The following CFAP77 variants were observed in gnomAD, a reference collection of about 807,000 sequenced individuals.
CFAP77 encodes the protein cilia- and flagella-associated protein 77.
A neutral mutation model predicts 31.1 loss-of-function variants in CFAP77; 25 were observed. That is an observed-to-expected ratio of 0.80 (90% CI 0.59 to 1.12). CFAP77 has a LOEUF of 1.12. CFAP77 is among the 50% of genes most tolerant of loss of function. The pLI is 0.00. For missense variants in CFAP77, 377 were observed against 397.3 expected (o/e 0.95, Z 0.44); for synonymous variants, 151 against 159.9 (o/e 0.94, Z 0.42).
intron 1 of CFAP77, among the ~76,000 whole-genome samples, chr9:132,464,818 G>A (rs910465737): frequency 6.6e-6 from 1 of 152,070 alleles, no homozygotes; most frequent in Admixed American, 6.6e-5. Context: ...TGGGCCGGGC[G>A]CAGTGGCTCA....
rs556426271 is a variant in CFAP77, at chr9:132,573,161, C to G, written c.*651C>G. 2 of 152,378 alleles carry G rather than the reference C, an allele frequency of 1.3e-5. No individual in the cohort carries two copies. The highest frequency in any genetic ancestry group is 1.3e-4 in the Admixed American group (2 of 15,310). 9.4% of individuals were successfully genotyped at this position (152,378 alleles called of 1,614,324 possible). A position where few individuals can be genotyped will look rare whatever the true frequency, so the allele number is the denominator to read the frequency against. The stretch of plus-strand genomic sequence containing the variant: ...GAAGGTCAACCCACTCTGGAAAAAG[C>G]CTTCCAGGCCAGCGGGTAGACTGCT... On this transcript the variant is annotated 3_prime_UTR_variant, in exon 6 of 6. Coordinates refer to ENST00000393216, the MANE Select transcript of CFAP77 (RefSeq NM_001282957.2).
At chr9:132,412,339 C>G (rs1850022481) in intron 1 of CFAP77, among the ~76,000 whole-genome samples, 1 of 152,214 alleles carries the variant, frequency 6.6e-6, no homozygotes, top group Non-Finnish European at 1.5e-5. Context: ...AGCCAGGGGG[C>G]AGCCTTTACC....
intron 1 of CFAP77, among the ~76,000 whole-genome samples, chr9:132,454,069 G>A (rs142671598): frequency 8.5e-5 from 13 of 152,214 alleles, no homozygotes; most frequent in Non-Finnish European, 1.8e-4. Flanking sequence ...ATAATTTATC[G>A]GGGTTCATTT....
intron 3 of CFAP77, among the ~76,000 whole-genome samples, chr9:132,536,348 G>T (rs888394567): frequency 3.3e-5 from 5 of 151,312 alleles, no homozygotes; most frequent in African/African-American, 1.2e-4. Context: ...TACAAAATGG[G>T]CTGGTTTCCT....
intron 1 of CFAP77, among the ~76,000 whole-genome samples, chr9:132,488,771 C>T (rs970082260): frequency 2.6e-5 from 4 of 152,192 alleles, no homozygotes; most frequent in African/African-American, 9.7e-5. Flanking sequence ...GCATGGGTTT[C>T]CAGGGCCTGG....
At chr9:132,449,011 A>C (rs1206016343) in intron 1 of CFAP77, among the ~76,000 whole-genome samples, 1 of 152,212 alleles carries the variant, frequency 6.6e-6, no homozygotes, top group East Asian at 1.9e-4. Flanking sequence ...GAAAAGCCCA[A>C]CAACTGGGCT....
intron 1 of CFAP77, among the ~76,000 whole-genome samples, chr9:132,479,271 A>T (rs1589875112): frequency 6.6e-6 from 1 of 152,192 alleles, no homozygotes; most frequent in East Asian, 1.9e-4. Context: ...TGCCCAGCTC[A>T]CAGTGCTCAG....
chr9:132,483,236 A>C (rs1851479955), intron 1 of CFAP77, among the ~76,000 whole-genome samples: 1 of 152,140 alleles, frequency 6.6e-6, no homozygotes, highest in South Asian at 2.1e-4. Context: ...GCACCATTGC[A>C]CTCCATCCTG....
At chr9:132,494,273 T>C (rs1387181261) in intron 1 of CFAP77, among the ~76,000 whole-genome samples, 2 of 152,188 alleles carry the variant, frequency 1.3e-5, no homozygotes, top group African/African-American at 2.4e-5. Context: ...AGCTCCTTGA[T>C]GTAGTGGGGT....
chr9:132,546,610 G>A (rs533783881), intron 5 of CFAP77, among the ~76,000 whole-genome samples: 6 of 152,260 alleles, frequency 3.9e-5, no homozygotes, highest in Non-Finnish European at 1.5e-5. Context: ...CGAGACCCCC[G>A]CGCTGGATGA....
intron 3 of CFAP77, among the ~76,000 whole-genome samples, chr9:132,512,712 C>T (rs901343055): frequency 2.0e-5 from 3 of 152,014 alleles, no homozygotes; most frequent in African/African-American, 4.8e-5. Context: ...TTTGGGAGGC[C>T]GAGGCGGGCA....
rs370040202 is a variant in CFAP77 at position 132,572,556 on chromosome 9, A to C, written c.*46A>C. The C allele has an allele frequency of 2.1e-4, 335 of 1,572,256 alleles. No individual in the cohort carries two copies. The highest frequency in any genetic ancestry group is 2.8e-4 in the Non-Finnish European group (328 of 1,164,228). On this transcript the variant is annotated 3_prime_UTR_variant, in exon 6 of 6. Transcript: ENST00000393216. ...AGAAGCCATCTTGACATAGTGGAAAATTCCCAGAAGGACTCCCTATCTTGC... is the reference window on the plus strand; with the variant it reads ...AGAAGCCATCTTGACATAGTGGAAACTTCCCAGAAGGACTCCCTATCTTGC...
At chr9:132,447,740 G>A (rs950924516) in intron 1 of CFAP77, among the ~76,000 whole-genome samples, 1 of 152,192 alleles carries the variant, frequency 6.6e-6, no homozygotes, top group Non-Finnish European at 1.5e-5. Flanking sequence ...TTGAAAGAGT[G>A]GTTTTCTAGA....
In CFAP77 at chr9:132,540,553, C is replaced by T. The variant is rs552932288; in HGVS notation, c.631-2393C>T. 9.3e-4 allele frequency among the ~76,000 whole-genome samples: 141 copies of T among 152,280 alleles called. 1 individual carries two copies. Among genetic ancestry groups the T allele is most frequent in the African/African-American group, 3.2e-3 (131 of 41,552 alleles). On this transcript the variant is annotated intron_variant, in intron 4 of 5. Transcript: ENST00000393216. ...GGCCCTATCACAAAAGACAGATTTGCAAGAGAAAAGCATTCAAATGTCTTT... is the reference window on the plus strand; with the variant it reads ...GGCCCTATCACAAAAGACAGATTTGTAAGAGAAAAGCATTCAAATGTCTTT...
intron 1 of CFAP77, among the ~76,000 whole-genome samples, chr9:132,488,095 T>C (rs1564224301): frequency 2.0e-5 from 3 of 151,832 alleles, no homozygotes. Flanking sequence ...GGAGAGTGAG[T>C]GGAGGCTTTT....
intron 1 of CFAP77, among the ~76,000 whole-genome samples, chr9:132,460,879 C>T (rs1287719245): frequency 1.3e-5 from 2 of 152,134 alleles, no homozygotes; most frequent in Non-Finnish European, 2.9e-5. Context: ...GTGCCCGCCA[C>T]CACGCCCAGC....
chr9:132,515,426 C>T (rs1223511584), intron 3 of CFAP77, among the ~76,000 whole-genome samples: 1 of 152,090 alleles, frequency 6.6e-6, no homozygotes, highest in Non-Finnish European at 1.5e-5. Context: ...GTCCCTTCCT[C>T]TGTTTAAAAA....
intron 1 of CFAP77, among the ~76,000 whole-genome samples, chr9:132,492,832 A>G (rs969785929): frequency 2.0e-5 from 3 of 152,128 alleles, no homozygotes; most frequent in African/African-American, 7.2e-5. Context: ...CCTCTTGGGC[A>G]TTTGCACGTG....
intron 1 of CFAP77, among the ~76,000 whole-genome samples, chr9:132,459,901 AGT>A (rs1163237235): frequency 1.5e-4 from 23 of 148,714 alleles, no homozygotes; most frequent in East Asian, 6.0e-4. Flanking sequence ...TGAGTGTGTT[AGT>A]GTGTGAGTGT....
Sources: gnomAD v4.1 joint callset for allele counts (sites outside exome capture counted in the v4.1 genomes callset) on GRCh38, gnomAD v4.1.1 for gene constraint, MANE v1.5 for transcripts, NCBI Gene and HGNC (gene_info 2026-07-23, HGNC 2026-07-21) for gene names.